Variants in COPE observed in about 807,000 individuals in gnomAD.
The protein encoded by COPE is coat protein complex I subunit epsilon.
Under a neutral mutation model 42.1 loss-of-function variants are expected in COPE, and 19 were observed. The observed-to-expected ratio is 0.45, with a 90% confidence interval of 0.31 to 0.66. COPE has a LOEUF of 0.66. Ranked by LOEUF, COPE falls within the 30% of genes least tolerant of loss-of-function variation. The probability of loss-of-function intolerance (pLI) is 0.05; values close to 1 mark genes in which losing one functional copy is unlikely to be tolerated. For missense variants in COPE, 402 were observed against 416.1 expected (o/e 0.97, Z 0.30); for synonymous variants, 195 against 181.3 (o/e 1.08, Z -0.60).
intron 1 of COPE, among the ~76,000 whole-genome samples, chr19:18,916,042 A>T (rs75226807): frequency 6.6e-6 from 1 of 152,234 alleles, no homozygotes; most frequent in South Asian, 2.1e-4. Flanking sequence ...AAAATTAGCC[A>T]GGTGTGGTGG....
chr19:18,915,158 T>C (rs1488045580), intron 1 of COPE, among the ~76,000 whole-genome samples: 1 of 152,124 alleles, frequency 6.6e-6, no homozygotes, highest in Non-Finnish European at 1.5e-5. Flanking sequence ...CAGTGGACTA[T>C]GATCATGCCA....
intron 3 of COPE, 135 bp downstream of exon 3, chr19:18,910,836 G>A (rs1243235357): frequency 1.4e-6 from 1 of 704,682 alleles, no homozygotes; most frequent in Non-Finnish European, 2.5e-6. Flanking sequence ...AAGCAGCAGG[G>A]GAGCAGAGGG....
chr19:18,907,860 G>A (rs1256944279), intron 3 of COPE, among the ~76,000 whole-genome samples: 2 of 152,190 alleles, frequency 1.3e-5, no homozygotes, highest in African/African-American at 4.8e-5. Context: ...TCTGCCCAGG[G>A]CCCGTGTCTG....
At chr19:18,900,502 G>T in intron 7 of COPE, 53 bp from the exon 8 acceptor site, 1 of 1,425,022 alleles carries the variant, frequency 7.0e-7, no homozygotes, top group Non-Finnish European at 9.6e-7. Flanking sequence ...CAGCCCCCAT[G>T]CCTGCCCGTC....
chr19:18,916,820 G>A (rs1052302522), intron 1 of COPE, among the ~76,000 whole-genome samples: 8 of 151,470 alleles, frequency 5.3e-5, no homozygotes. Flanking sequence ...AATTAGCTGG[G>A]TGTGGTGGTG....
At chr19:18,906,862 C>T (rs2145063792) in intron 4 of COPE, 98 bp downstream of exon 4, 1 of 1,364,930 alleles carries the variant, frequency 7.3e-7, no homozygotes, top group Non-Finnish European at 9.8e-7. Flanking sequence ...CCTTTCTCTG[C>T]TCCCATGACG....
intron 5 of COPE, 47 bp downstream of exon 5, chr19:18,905,529 C>G (rs766972104): frequency 4.5e-6 from 7 of 1,557,488 alleles, no homozygotes; most frequent in Non-Finnish European, 6.0e-6. Flanking sequence ...GGCTGTGACG[C>G]TCTGGGCTGT....
intron 5 of COPE, 50 bp from the exon 6 acceptor site, chr19:18,904,902 C>T (rs2056744277): frequency 1.3e-6 from 2 of 1,522,504 alleles, no homozygotes; most frequent in African/African-American, 2.8e-5. Flanking sequence ...GGGCCCTGGC[C>T]TGGCCATCCC....
In COPE at chr19:18,899,648, G is replaced by A. The variant is rs2056676184; in HGVS notation, c.*31C>T. 6.2e-7 allele frequency: 1 copy of A among 1,612,996 alleles called. No homozygotes were observed. The highest frequency in any genetic ancestry group is 8.5e-7 in the Non-Finnish European group (1 of 1,179,752). ...GGGCTGGCTCCTGGCCTCTGTCCTG[G>A]CTTCATGGTCCTGACAGCTCTGGGC... On this transcript the variant is annotated 3_prime_UTR_variant, in exon 10 of 10. Coordinates refer to ENST00000262812, the MANE Select transcript of COPE (RefSeq NM_007263.4).
chr19:18,903,742 C>G (rs549577138), intron 6 of COPE, among the ~76,000 whole-genome samples: 2 of 152,342 alleles, frequency 1.3e-5, no homozygotes, highest in African/African-American at 4.8e-5. Context: ...CACTGGGTCA[C>G]TGAGCACGTC....
chr19:18,908,110 C>T (rs1013923441), intron 3 of COPE, among the ~76,000 whole-genome samples: 9 of 152,186 alleles, frequency 5.9e-5, no homozygotes, highest in African/African-American at 2.2e-4. Flanking sequence ...AGCGTTGGTA[C>T]TGTAATGTTG....
chr19:18,907,262 G>T, intron 3 of COPE, 150 bp from the exon 4 acceptor site: 1 of 804,072 alleles, frequency 1.2e-6, no homozygotes, highest in Non-Finnish European at 1.9e-6. Context: ...GAGCTGTCCC[G>T]ACATGTCCTC....
chr19:18,918,644 G>C (rs1173379471), intron 1 of COPE, among the ~76,000 whole-genome samples: 1 of 152,160 alleles, frequency 6.6e-6, no homozygotes, highest in East Asian at 1.9e-4. Context: ...GCCCAAGCTG[G>C]TCTCGAACTC....
intron 6 of COPE, 149 bp downstream of exon 6, chr19:18,904,622 G>A (rs2056741163): frequency 2.9e-6 from 2 of 692,322 alleles, no homozygotes; most frequent in African/African-American, 3.6e-5. Context: ...ATGGAGTCAA[G>A]GCTGAGTTAT....
intron 9 of COPE, 72 bp from the exon 10 acceptor site, chr19:18,899,798 G>A (rs1352686617): frequency 3.1e-6 from 5 of 1,610,532 alleles, no homozygotes; most frequent in East Asian, 2.2e-5. Context: ...GAGAGAGAGG[G>A]CGCATGTGAG....
Position 18,899,665 on chromosome 19 carries a change from G to T in COPE, c.*14C>A. On this transcript the variant is annotated 3_prime_UTR_variant, in exon 10 of 10. Coordinates refer to ENST00000262812, the MANE Select transcript of COPE (RefSeq NM_007263.4). ...CTGTCCTGGCTTCATGGTCCTGACA[G>T]CTCTGGGCCAGCCTCAGGCGCTGGG... is the stretch of plus-strand genomic sequence containing the variant. 4 of 1,613,364 alleles carry T rather than the reference G, an allele frequency of 2.5e-6. No individual in the cohort carries two copies. Among genetic ancestry groups the T allele is most frequent in the Non-Finnish European group, 3.4e-6 (4 of 1,179,964 alleles).
chr19:18,907,143 C>G, intron 3 of COPE, 31 bp from the exon 4 acceptor site: 1 of 1,599,826 alleles, frequency 6.3e-7, no homozygotes, highest in Non-Finnish European at 8.5e-7. Context: ...CGACCCACAG[C>G]TGGGGTGGCC....
chr19:18,917,726 C>T (rs1004228262), intron 1 of COPE, among the ~76,000 whole-genome samples: 5 of 152,064 alleles, frequency 3.3e-5, no homozygotes, highest in African/African-American at 1.2e-4. Flanking sequence ...AAAGACAGCT[C>T]GGACAGAGAG....
At chr19:18,906,220 G>C (rs921215738) in intron 4 of COPE, 3 of 332,184 alleles carry the variant, frequency 9.0e-6, no homozygotes, top group African/African-American at 6.3e-5. Flanking sequence ...GTCAGGGTCT[G>C]GCTCTGCCAC....
Sources: allele counts gnomAD v4.1 joint callset (sites outside exome capture counted in the v4.1 genomes callset), GRCh38; gene constraint gnomAD v4.1.1; transcripts MANE v1.5; gene names NCBI Gene and HGNC (gene_info 2026-07-23, HGNC 2026-07-21).